The following GLB1 variants were observed in gnomAD, a reference collection of about 807,000 sequenced individuals.
GLB1 encodes the protein beta-galactosidase.
GLB1 carries 56 observed loss-of-function variants against 74.0 expected under a neutral mutation model. The observed-to-expected ratio is 0.76, with a 90% CI of 0.61 to 0.94. GLB1 has a LOEUF of 0.94. GLB1 is among the 40% of genes least tolerant of loss of function. The pLI is 0.00. For synonymous variants in GLB1, 323 were observed against 323.6 expected, an observed-to-expected ratio of 1.00 and a Z score of 0.02; for missense variants, 787 against 845.5, an observed-to-expected ratio of 0.93 and a Z score of 0.86.
rs531246620 is a variant in GLB1, at chr3:33,064,770, C to G, written c.552+693G>C. On this transcript the variant is annotated intron_variant, in intron 5 of 15. Transcript: ENST00000307363. ...CCAGCCTGGGCAACGGAATGAGACTCTCTCTCAAAAAAAAAAAAAAAAAAA... is the reference window on the plus strand; with the variant it reads ...CCAGCCTGGGCAACGGAATGAGACTGTCTCTCAAAAAAAAAAAAAAAAAAA... Among the ~76,000 whole-genome samples the G allele has an allele frequency of 8.5e-4, 50 of 58,680 alleles. No individual in the cohort carries two copies. In the East Asian group the frequency reaches 0.017, roughly 20 times the overall value. 38.5% of individuals were successfully genotyped at this position (58,680 alleles called of 152,430 possible). A position where few individuals can be genotyped will look rare whatever the true frequency, so the allele number is the denominator to read the frequency against.
intron 6 of GLB1, among the ~76,000 whole-genome samples, chr3:33,054,906 C>T (rs1254584886): frequency 6.6e-6 from 1 of 152,238 alleles, no homozygotes; most frequent in African/African-American, 2.4e-5. Context: ...CCCCACACTT[C>T]ACAACCCAGT....
At chr3:33,033,941 C>T (rs948304864) in intron 10 of GLB1, 3 of 552,150 alleles carry the variant, frequency 5.4e-6, no homozygotes, top group Non-Finnish European at 7.3e-6. Context: ...CTATGGCACC[C>T]GCCTGGCAAC....
chr3:33,056,880 T>C (rs1427571978), intron 6 of GLB1, among the ~76,000 whole-genome samples: 1 of 152,224 alleles, frequency 6.6e-6, no homozygotes, highest in Non-Finnish European at 1.5e-5. Flanking sequence ...TCTTATCTAA[T>C]CTACAGACTT....
the GLB1 span, among the ~76,000 whole-genome samples, chr3:32,979,475 G>T: frequency 6.9e-6 from 1 of 145,700 alleles, no homozygotes; most frequent in Non-Finnish European, 1.5e-5. Flanking sequence ...TGTATTACAT[G>T]TATTTCTTTC....
chr3:33,011,236 T>C (rs1453026240), intron 15 of GLB1, among the ~76,000 whole-genome samples: 1 of 152,058 alleles, frequency 6.6e-6, no homozygotes, highest in Non-Finnish European at 1.5e-5. Flanking sequence ...AGGATGGCTG[T>C]GGTGGCTCAC....
At chr3:32,981,004 T>G in the GLB1 span, among the ~76,000 whole-genome samples, 3 of 137,968 alleles carry the variant, frequency 2.2e-5, no homozygotes, top group African/African-American at 8.2e-5. Context: ...GGAAGGAGAA[T>G]TACATGAACC....
rs142001980 is a variant in GLB1 at position 33,085,103 on chromosome 3, C to T, written c.75+11908G>A. Among the ~76,000 whole-genome samples, 250 of 151,910 alleles carry T rather than the reference C, an allele frequency of 1.6e-3. 2 individuals are homozygous for T. The highest frequency in any genetic ancestry group is 4.5e-3 in the Admixed American group (68 of 15,254). Reference sequence around the variant, plus strand: ...CCTGGACAACAAAATGAGATCCCATCCCTATAAAAAATAAACAAAAGTTAG... The same window carrying T: ...CCTGGACAACAAAATGAGATCCCATTCCTATAAAAAATAAACAAAAGTTAG... On this transcript the variant is annotated intron_variant, in intron 1 of 15. Coordinates refer to ENST00000307363, the MANE Select transcript of GLB1 (RefSeq NM_000404.4).
chr3:33,062,420 G>A (rs545308649), intron 5 of GLB1, among the ~76,000 whole-genome samples: 145 of 152,174 alleles, frequency 9.5e-4, no homozygotes, highest in African/African-American at 3.2e-3. Context: ...CTCCTGCCTC[G>A]GCCTCCCAAA....
chr3:33,080,651 T>C (rs929831845), intron 1 of GLB1, among the ~76,000 whole-genome samples: 3 of 152,160 alleles, frequency 2.0e-5, no homozygotes, highest in Admixed American at 1.3e-4. Flanking sequence ...TGGAGACACT[T>C]TGTGCACTTT....
At position 33,046,207 on chromosome 3, in the gene GLB1, C is replaced by T. The variant is rs1024643344; in HGVS notation, c.981G>A (p.Gln327=). The stretch of plus-strand genomic sequence containing the variant: ...GGGCATCATAGTCGTAGCTGGTGGG[C>T]TGTGCTGCATAGGGTGAGTTGGCCC... The part of the protein sequence containing the change: ...WNGANSPYAA[Q]PTSYDYDAPL... Residue 327 remains glutamine (Q), a synonymous_variant, in exon 10 of 16, where the codon CAG becomes CAA. Coordinates refer to ENST00000307363, the MANE Select transcript of GLB1 (RefSeq NM_000404.4). 1.2e-6 allele frequency: 2 copies of T among 1,613,920 alleles called. No homozygotes were observed. Among genetic ancestry groups the T allele is most frequent in the Non-Finnish European group, 1.7e-6 (2 of 1,180,000 alleles).
chr3:33,027,702 A>G (rs1697830522), intron 10 of GLB1, among the ~76,000 whole-genome samples: 1 of 152,134 alleles, frequency 6.6e-6, no homozygotes, highest in Non-Finnish European at 1.5e-5. Flanking sequence ...AAATCGCTTG[A>G]ACCTGAGAGG....
Position 33,092,503 on chromosome 3 carries a change from CA to C in GLB1, c.75+4507del, listed in dbSNP as rs1042879519. The C allele has an allele frequency of 1.9e-5, 21 of 1,082,112 alleles. No homozygotes were observed. In the African/African-American group the frequency reaches 3.4e-4, roughly 18 times the overall value. The allele number at this position is 1,082,112 out of a possible 1,614,324, so 67.0% of individuals were successfully genotyped here. A position where few individuals can be genotyped will look rare whatever the true frequency, so the allele number is the denominator to read the frequency against. ...ACCTTCTAGAGGTATGCCTTTCTAG[CA>C]ACCCCGAGGGGAGGTTCATCCCTGG... On this transcript the variant is annotated intron_variant, in intron 1 of 15. Transcript: ENST00000307363.
At chr3:33,014,556 G>A (rs1697164228) in intron 14 of GLB1, among the ~76,000 whole-genome samples, 1 of 152,154 alleles carries the variant, frequency 6.6e-6, no homozygotes, top group African/African-American at 2.4e-5. Context: ...CTCTATAAAA[G>A]GCCCAGAGTT....
rs756403702 is a variant in GLB1, at chr3:32,997,063, T to C, written c.2016A>G (p.Ser672=). 79 of 1,613,978 alleles carry C rather than the reference T, an allele frequency of 4.9e-5. No homozygotes were observed. The Middle Eastern group carries it at 1.5e-3, about 30-fold the overall frequency. The part of the protein sequence containing the change: ...MPPPPQKNKD[S]WLDHV ...TTCATCATCATACATGGTCCAGCCA[T>C]GAATCTTTGTTTTTTTGCGGGGGTG... The change falls in exon 16 of 16, where the codon TCA becomes TCG. Residue 672 remains serine (S), a synonymous_variant. Coordinates refer to ENST00000307363, the MANE Select transcript of GLB1 (RefSeq NM_000404.4).
intron 1 of GLB1, among the ~76,000 whole-genome samples, chr3:33,075,983 T>A (rs1270694782): frequency 6.0e-5 from 9 of 150,602 alleles, no homozygotes; most frequent in African/African-American, 2.2e-4. Context: ...AGGCGGAGCT[T>A]GCAGTGAGCC....
chr3:33,016,963 A>T, intron 13 of GLB1, 123 bp from the exon 14 acceptor site: 1 of 1,479,630 alleles, frequency 6.8e-7, no homozygotes, highest in Non-Finnish European at 9.1e-7. Flanking sequence ...ACTTGGAAAG[A>T]AATGCTTTGA....
intron 10 of GLB1, among the ~76,000 whole-genome samples, chr3:33,026,268 G>A (rs1054781201): frequency 1.3e-5 from 2 of 152,220 alleles, no homozygotes; most frequent in African/African-American, 2.4e-5. Context: ...GAGCAAGGAT[G>A]GGGCTGAGCC....
Position 33,013,251 on chromosome 3 carries a change from T to A in GLB1, c.1734+805A>T, listed in dbSNP as rs1410207979. Among the ~76,000 whole-genome samples the A allele has an allele frequency of 2.0e-5, 3 of 152,364 alleles. No homozygotes were observed. In the East Asian group the frequency reaches 5.8e-4, roughly 29 times the overall value. On this transcript the variant is annotated intron_variant, in intron 15 of 15. Coordinates refer to ENST00000307363, the MANE Select transcript of GLB1 (RefSeq NM_000404.4). ...ATCACTATCTTAGGGAAGGCTTCCC[T>A]GACCTCCCTGACAAGGCAAAATGCA...
intron 1 of GLB1, among the ~76,000 whole-genome samples, chr3:33,095,354 A>T (rs1700977638): frequency 1.3e-5 from 2 of 151,444 alleles, no homozygotes; most frequent in Non-Finnish European, 1.5e-5. Flanking sequence ...CGTCTCTACT[A>T]AAAATACAAA....
Sources: allele counts gnomAD v4.1 joint callset (sites outside exome capture counted in the v4.1 genomes callset), GRCh38; gene constraint gnomAD v4.1.1; transcripts MANE v1.5; gene names NCBI Gene and HGNC (gene_info 2026-07-23, HGNC 2026-07-21).